PPP3CC: variants seen among roughly 807,000 people sequenced by gnomAD.
PPP3CC encodes serine/threonine-protein phosphatase 2B catalytic subunit gamma isoform.
A neutral mutation model predicts 60.3 loss-of-function variants in PPP3CC; 35 were observed. That is an observed-to-expected ratio of 0.58 (90% CI 0.44 to 0.77). PPP3CC has a LOEUF of 0.77. PPP3CC is among the 30% of genes least tolerant of loss of function. The pLI is 0.00. For synonymous variants in PPP3CC, 206 were observed against 224.3 expected, an observed-to-expected ratio of 0.92 and a Z score of 0.73; for missense variants, 570 against 628.9, an observed-to-expected ratio of 0.91 and a Z score of 1.00.
rs947309518 is a variant in PPP3CC, at chr8:22,494,325, A to T, written c.373-3676A>T. Among the ~76,000 whole-genome samples the T allele has an allele frequency of 8.5e-5, 13 of 152,314 alleles. No individual in the cohort carries two copies. In the South Asian group the frequency reaches 2.7e-3, roughly 32 times the overall value. On this transcript the variant is annotated intron_variant, in intron 3 of 13. Transcript: ENST00000240139. ...GAAGAAGCAAAAGTGGAAACCCCTG[A>T]TAAACCCATCAGATCTCATGAGACT...
At chr8:22,450,829 T>G (rs2132430115) in intron 1 of PPP3CC, among the ~76,000 whole-genome samples, 1 of 147,874 alleles carries the variant, frequency 6.8e-6, no homozygotes, top group Non-Finnish European at 1.5e-5. Flanking sequence ...ATTTATTTAT[T>G]TATTTATTTA....
chr8:22,505,946 G>A (rs922029719), intron 4 of PPP3CC, among the ~76,000 whole-genome samples: 2 of 151,510 alleles, frequency 1.3e-5, no homozygotes, highest in Admixed American at 6.6e-5. Flanking sequence ...TACATGTGCA[G>A]GTTTGTTATA....
At chr8:22,477,372 G>C (rs1049248649) in intron 3 of PPP3CC, among the ~76,000 whole-genome samples, 3 of 151,996 alleles carry the variant, frequency 2.0e-5, no homozygotes, top group Admixed American at 6.6e-5. Flanking sequence ...AGCTACTTGA[G>C]AGGCTGAGGC....
chr8:22,473,759 C>T (rs2132466133), intron 1 of PPP3CC, among the ~76,000 whole-genome samples: 1 of 152,220 alleles, frequency 6.6e-6, no homozygotes, highest in East Asian at 1.9e-4. Flanking sequence ...CCACACCACA[C>T]CCGGCCCCTT....
chr8:22,501,749 G>T (rs181133029), intron 4 of PPP3CC, among the ~76,000 whole-genome samples: 1 of 152,312 alleles, frequency 6.6e-6, no homozygotes, highest in Non-Finnish European at 1.5e-5. Context: ...GGTGGCTCAT[G>T]CCTGTAATTT....
At position 22,487,724 on chromosome 8, in the gene PPP3CC, T is replaced by C. The variant is rs572109706; in HGVS notation, c.373-10277T>C. On this transcript the variant is annotated intron_variant, in intron 3 of 13. Coordinates refer to ENST00000240139, the MANE Select transcript of PPP3CC (RefSeq NM_005605.5). ...ATTGATTTTGTGAGAAAAGAAAAGA[T>C]TAAAGGGAACATTTTCAGCAAAGAT... Among the ~76,000 whole-genome samples the C allele has an allele frequency of 3.3e-4, 50 of 152,190 alleles. No homozygotes were observed. The South Asian group carries it at 6.2e-3, about 19-fold the overall frequency.
At chr8:22,489,065 C>T (rs962831211) in intron 3 of PPP3CC, among the ~76,000 whole-genome samples, 11 of 151,266 alleles carry the variant, frequency 7.3e-5, no homozygotes, top group African/African-American at 2.4e-4. Flanking sequence ...AGGGGAGTGA[C>T]GTATTCACAT....
rs567783435 is a variant in PPP3CC, at chr8:22,478,405, C to G, written c.372+2781C>G. On this transcript the variant is annotated intron_variant, in intron 3 of 13. Coordinates refer to ENST00000240139, the MANE Select transcript of PPP3CC (RefSeq NM_005605.5). ...GAACTCGTTATCCACCCACCTTGGCCTTCCAAAGTGTTGGGATTACAGGCA... is the reference window on the plus strand; with the variant it reads ...GAACTCGTTATCCACCCACCTTGGCGTTCCAAAGTGTTGGGATTACAGGCA... Among the ~76,000 whole-genome samples the G allele has an allele frequency of 3.9e-5, 6 of 152,288 alleles. No homozygotes were observed. In the East Asian group the frequency reaches 1.2e-3, roughly 29 times the overall value.
At chr8:22,458,753 A>G (rs567219311) in intron 1 of PPP3CC, among the ~76,000 whole-genome samples, 135 of 152,152 alleles carry the variant, frequency 8.9e-4, no homozygotes, top group African/African-American at 3.0e-3. Context: ...GGTAATGTAC[A>G]CTCTTTCAGT....
chr8:22,492,009 A>G (rs1838418929), intron 3 of PPP3CC, among the ~76,000 whole-genome samples: 1 of 152,076 alleles, frequency 6.6e-6, no homozygotes, highest in African/African-American at 2.4e-5. Context: ...TTTAATAAGG[A>G]GGGTACGTTC....
chr8:22,522,139 GCA>G (rs35520234), intron 6 of PPP3CC, among the ~76,000 whole-genome samples: 10,783 of 148,752 alleles, frequency 0.072, 881 homozygotes, highest in African/African-American at 0.2. Flanking sequence ...ACACACACAC[GCA>G]CACACACACA....
intron 1 of PPP3CC, among the ~76,000 whole-genome samples, chr8:22,471,595 G>A (rs1358761756): frequency 6.6e-6 from 1 of 152,078 alleles, no homozygotes; most frequent in Non-Finnish European, 1.5e-5. Context: ...AAGTATTTGA[G>A]TATCTGAACA....
intron 1 of PPP3CC, among the ~76,000 whole-genome samples, chr8:22,455,372 G>A (rs985366731): frequency 9.2e-5 from 14 of 152,208 alleles, no homozygotes; most frequent in African/African-American, 3.4e-4. Flanking sequence ...TACCTGGTGT[G>A]AAATGTTTGT....
chr8:22,500,592 T>C (rs1838733116), intron 4 of PPP3CC, among the ~76,000 whole-genome samples: 1 of 152,230 alleles, frequency 6.6e-6, no homozygotes, highest in Non-Finnish European at 1.5e-5. Flanking sequence ...TTTCATATGC[T>C]CATATGAATT....
In PPP3CC at chr8:22,525,536, TTCTCTCCCTCTC is replaced by T. The variant is rs1352266031; in HGVS notation, c.944-1849_944-1838del. Among the ~76,000 whole-genome samples, 3 of 73,756 alleles carry T rather than the reference TTCTCTCCCTCTC, an allele frequency of 4.1e-5. No homozygotes were observed. In the South Asian group the frequency reaches 1.3e-3, roughly 33 times the overall value. 48.4% of individuals were successfully genotyped at this position (73,756 alleles called of 152,430 possible). On this transcript the variant is annotated intron_variant, in intron 8 of 13. Transcript: ENST00000240139. ...TTTCTTTCTTTCTTTCTTTCTTTCT[TTCTCTCCCTCTC>T]TCTCTCTCTCTTTCTTTCTCTCTCT...
At chr8:22,527,284 A>T (rs575813241) in intron 8 of PPP3CC, 108 bp from the exon 9 acceptor site, 3 of 1,283,126 alleles carry the variant, frequency 2.3e-6, no homozygotes, top group Middle Eastern at 1.9e-4. Context: ...TGACTTTACA[A>T]ATGGAAAGTT....
At chr8:22,520,014 A>G (rs1839362751) in intron 6 of PPP3CC, among the ~76,000 whole-genome samples, 1 of 152,134 alleles carries the variant, frequency 6.6e-6, no homozygotes, top group Non-Finnish European at 1.5e-5. Flanking sequence ...TGGTGTAGTC[A>G]TGACAAACTC....
chr8:22,463,377 A>T (rs1837420317), intron 1 of PPP3CC, among the ~76,000 whole-genome samples: 2 of 152,234 alleles, frequency 1.3e-5, no homozygotes, highest in Non-Finnish European at 2.9e-5. Flanking sequence ...TGGGTGCATG[A>T]TACAAACATT....
intron 4 of PPP3CC, among the ~76,000 whole-genome samples, chr8:22,510,467 C>G (rs1318538978): frequency 1.3e-5 from 2 of 152,090 alleles, no homozygotes; most frequent in Non-Finnish European, 2.9e-5. Flanking sequence ...ATCTTTAAGA[C>G]CCAATAAAAT....
Sources: allele counts gnomAD v4.1 joint callset (sites outside exome capture counted in the v4.1 genomes callset), GRCh38; gene constraint gnomAD v4.1.1; transcripts MANE v1.5; gene names NCBI Gene and HGNC (gene_info 2026-07-23, HGNC 2026-07-21).